The following INPP5F variants were observed in gnomAD, a reference collection of about 807,000 sequenced individuals.
INPP5F encodes the protein inositol polyphosphate-5-phosphatase F, also known as phosphatidylinositide 4-phosphatase SAC2.
A neutral mutation model predicts 137.2 loss-of-function variants in INPP5F; 97 were observed. The observed-to-expected ratio is 0.71, with a 90% CI of 0.60 to 0.84. The LOEUF (loss-of-function observed/expected upper bound fraction) is 0.84. Ranked by LOEUF, INPP5F falls within the 40% of genes least tolerant of loss-of-function variation. The probability of loss-of-function intolerance (pLI) is 0.00; values close to 1 mark genes in which losing one functional copy is unlikely to be tolerated. For synonymous variants in INPP5F, 504 were observed against 476.9 expected, an observed-to-expected ratio of 1.06 and a Z score of -0.74; for missense variants, 1,271 against 1,371.9, an observed-to-expected ratio of 0.93 and a Z score of 1.16.
At chr10:119,749,889 C>T (rs976867630) in intron 1 of INPP5F, among the ~76,000 whole-genome samples, 6 of 152,198 alleles carry the variant, frequency 3.9e-5, no homozygotes, top group African/African-American at 1.4e-4. Context: ...AGTGATTCTC[C>T]TGCCTCAGCC....
In INPP5F at chr10:119,827,588, TCCCTTTG is replaced by T; in HGVS notation, c.3210_3216del (p.Phe1071ArgfsTer17). 2.5e-6 allele frequency: 4 copies of T among 1,614,144 alleles called. No individual in the cohort carries two copies. The highest frequency in any genetic ancestry group is 3.4e-6 in the Non-Finnish European group (4 of 1,180,008). On this transcript the variant is annotated frameshift_variant, in exon 20 of 20. Coordinates refer to ENST00000650623, the MANE Select transcript of INPP5F (RefSeq NM_014937.4). LOFTEE classifies it high-confidence loss of function. ...AGAGCAGTAGCAGCAGAGCAGTCTCTCCCTTTGCCAAGATTCGAAGTTCCATGGTCCA... is the reference window on the plus strand; with the variant it reads ...AGAGCAGTAGCAGCAGAGCAGTCTCTCCAAGATTCGAAGTTCCATGGTCCA...
intron 2 of INPP5F, among the ~76,000 whole-genome samples, chr10:119,763,770 C>G (rs984708720): frequency 1.3e-5 from 2 of 152,214 alleles, no homozygotes; most frequent in Non-Finnish European, 2.9e-5. Flanking sequence ...GTCTTTAAGT[C>G]ATAGCTCTCT....
rs575022522 is a variant in INPP5F at position 119,806,371 on chromosome 10, C to T, written c.1331C>T (p.Ala444Val). ...LDMKWCWVDE[A>V]GVICKQEGIF... Reference sequence around the variant, plus strand: ...TTATTTTTAAAAAGGGTTGATGAAGCTGGGGTAATATGTAAGCAGGAAGGG... The same window carrying T: ...TTATTTTTAAAAAGGGTTGATGAAGTTGGGGTAATATGTAAGCAGGAAGGG... The change falls in exon 12 of 20, where the codon GCT becomes GTT. Residue 444 changes from alanine to valine, a missense_variant. By Grantham distance (64) the Ala-to-Val change is moderately conservative. Transcript: ENST00000650623. The T allele has an allele frequency of 6.4e-7, 1 of 1,565,084 alleles. No individual in the cohort carries two copies. Among genetic ancestry groups the T allele is most frequent in the Non-Finnish European group, 8.7e-7 (1 of 1,152,604 alleles).
chr10:119,819,008 C>T (rs1851421628), intron 15 of INPP5F: 2 of 152,456 alleles, frequency 1.3e-5, no homozygotes. Flanking sequence ...GTTGATGTCC[C>T]CTGAAGACAG....
In INPP5F at chr10:119,829,023, CAACTG is replaced by C. The variant is rs939192074; in HGVS notation, c.*1247_*1251del. The C allele has an allele frequency of 1.3e-5, 2 of 152,506 alleles. No individual in the cohort carries two copies. The highest frequency in any genetic ancestry group is 4.8e-5 in the African/African-American group (2 of 41,412). 9.4% of individuals were successfully genotyped at this position (152,506 alleles called of 1,614,324 possible). On this transcript the variant is annotated 3_prime_UTR_variant, in exon 20 of 20. Coordinates refer to ENST00000650623, the MANE Select transcript of INPP5F (RefSeq NM_014937.4). The stretch of plus-strand genomic sequence containing the variant: ...TTACTCTGTTGAAGTGACTGATTCT[CAACTG>C]AACATTATGTCGTTACTTTGATAAG...
At chr10:119,818,463 C>T (rs890103235) in intron 15 of INPP5F, among the ~76,000 whole-genome samples, 3 of 152,226 alleles carry the variant, frequency 2.0e-5, no homozygotes, top group Non-Finnish European at 2.9e-5. Flanking sequence ...TACCCTCGCC[C>T]GGCCCGCCAG....
intron 3 of INPP5F, 151 bp downstream of exon 3, chr10:119,781,922 G>A (rs771799665): frequency 1.6e-4 from 104 of 635,990 alleles, no homozygotes; most frequent in Non-Finnish European, 2.3e-4. Flanking sequence ...ACTTAGTAGT[G>A]GAACTCTTGT....
intron 2 of INPP5F, among the ~76,000 whole-genome samples, chr10:119,759,284 G>A (rs2134138421): frequency 6.6e-6 from 1 of 152,304 alleles, no homozygotes; most frequent in Admixed American, 6.5e-5. Context: ...GCCTTTCAAA[G>A]TGCTGGGATT....
At chr10:119,780,122 C>A in intron 2 of INPP5F, among the ~76,000 whole-genome samples, 1 of 152,138 alleles carries the variant, frequency 6.6e-6, no homozygotes, top group Non-Finnish European at 1.5e-5. Context: ...TTTTTCAGCT[C>A]CATGATAATT....
chr10:119,807,424 G>A (rs564408301), intron 12 of INPP5F, among the ~76,000 whole-genome samples: 8 of 152,314 alleles, frequency 5.3e-5, no homozygotes, highest in Admixed American at 5.2e-4. Context: ...TTTTGACTCT[G>A]TACAAAGAAC....
At chr10:119,798,042 TTTTG>T (rs1850447256) in intron 8 of INPP5F, among the ~76,000 whole-genome samples, 1 of 151,886 alleles carries the variant, frequency 6.6e-6, no homozygotes. Context: ...AAGTTTTTTT[TTTTG>T]TTTTGTTTTT....
chr10:119,748,374 C>T lies in INPP5F; in HGVS notation c.98-2702C>T, dbSNP rs765061271. 8.5e-5 allele frequency among the ~76,000 whole-genome samples: 13 copies of T among 152,336 alleles called. 1 individual carries two copies. The South Asian group carries it at 1.2e-3, about 15-fold the overall frequency. On this transcript the variant is annotated intron_variant, in intron 1 of 19. Transcript: ENST00000650623. The surrounding 1 kb of genome is among the most constrained non-coding windows in gnomAD (Gnocchi z 4.7). ...CCTAGGTCTGGTGTTCCCGAAGGGC[C>T]GCAGCCCTTTCCTCCTTGTTGCCCA...
At position 119,823,863 on chromosome 10, in the gene INPP5F, TG is replaced by T; in HGVS notation, c.2213del (p.Gly738AspfsTer6). 6.2e-7 allele frequency: 1 copy of T among 1,614,060 alleles called. No homozygotes were observed. Among genetic ancestry groups the T allele is most frequent in the Non-Finnish European group, 8.5e-7 (1 of 1,179,976 alleles). The stretch of plus-strand genomic sequence containing the variant: ...ATGCTGCAGATCACCAAGCAAGCCA[TG>T]GGATCGGATTTACCCATAATTGAGA... ...AEMLQITKQAMGSDLPIIEKK... is the reference protein window; with the variant it reads ...AEMLQITKQAXGSDLPIIEKK... On this transcript the variant is annotated frameshift_variant, in exon 19 of 20. Transcript: ENST00000650623. LOFTEE classifies it high-confidence loss of function.
At chr10:119,785,509 T>A (rs1425987847) in intron 3 of INPP5F, among the ~76,000 whole-genome samples, 1 of 145,138 alleles carries the variant, frequency 6.9e-6, no homozygotes, top group Non-Finnish European at 1.5e-5. Context: ...TTAGATGGTC[T>A]TGATCTCCTG....
intron 2 of INPP5F, among the ~76,000 whole-genome samples, chr10:119,777,025 T>C (rs1849546175): frequency 1.3e-5 from 2 of 152,070 alleles, no homozygotes; most frequent in South Asian, 4.1e-4. Context: ...TGCTGGGATT[T>C]CAGGCATGAG....
At chr10:119,795,761 A>G (rs1850353167) in intron 6 of INPP5F, among the ~76,000 whole-genome samples, 1 of 152,190 alleles carries the variant, frequency 6.6e-6, no homozygotes, top group Non-Finnish European at 1.5e-5. Flanking sequence ...AGCCGAGATC[A>G]TGCCACTGCA....
intron 2 of INPP5F, among the ~76,000 whole-genome samples, chr10:119,755,857 T>TGGTAA (rs1166464514): frequency 6.6e-6 from 1 of 152,228 alleles, no homozygotes; most frequent in African/African-American, 2.4e-5. Context: ...AGTGAGTTCT[T>TGGTAA]GGTAATAATA....
chr10:119,771,883 T>TACA (rs1491430102), intron 2 of INPP5F, among the ~76,000 whole-genome samples: 1 of 20,066 alleles, frequency 5.0e-5, no homozygotes, highest in Non-Finnish European at 8.0e-5. Flanking sequence ...TATATATATA[T>TACA]TTTTTTTTTT....
intron 2 of INPP5F, among the ~76,000 whole-genome samples, chr10:119,762,009 G>A (rs761174782): frequency 2.6e-4 from 40 of 152,260 alleles, no homozygotes; most frequent in Admixed American, 6.5e-4. Flanking sequence ...CTCAAGTCTC[G>A]AAGTTGGCCC....
Sources: allele counts gnomAD v4.1 joint callset (sites outside exome capture counted in the v4.1 genomes callset), GRCh38; gene constraint gnomAD v4.1.1; non-coding constraint Gnocchi (gnomAD v3.1); transcripts MANE v1.5; gene names NCBI Gene and HGNC (gene_info 2026-07-23, HGNC 2026-07-21).